The following DNAH12 variants were observed in gnomAD, a reference collection of about 807,000 sequenced individuals.
The protein encoded by DNAH12 is axonemal beta dynein heavy chain 12.
In DNAH12, 285 loss-of-function variants were observed where a neutral mutation model predicts 371.5. The ratio of observed to expected loss-of-function variants is 0.77; its 90% CI spans 0.70 to 0.85. DNAH12 has a LOEUF of 0.85. Among genes scored for constraint, DNAH12 ranks in the 40% least tolerant of loss-of-function variants. The pLI is 0.00. For synonymous variants in DNAH12, 1,200 were observed against 1,213.0 expected (o/e 0.99, Z 0.22); for missense variants, 3,611 against 3,689.4 (o/e 0.98, Z 0.55).
At chr3:57,383,381 G>T (rs1477524912) in intron 49 of DNAH12, among the ~76,000 whole-genome samples, 10 of 152,042 alleles carry the variant, frequency 6.6e-5, no homozygotes, top group African/African-American at 2.4e-4. Context: ...ACCTAAATTG[G>T]TGAGAGTTTG....
rs1024826374 is a variant in DNAH12 at position 57,390,805 on chromosome 3, A to G, written c.7305+1067T>C. The stretch of plus-strand genomic sequence containing the variant: ...CCTGTCTCTTGTTTTGCCCTACTCC[A>G]ATTCACCTACCACACAGCTTCCAAC... On this transcript the variant is annotated intron_variant, in intron 45 of 73. Transcript: ENST00000495027. 9.2e-5 allele frequency among the ~76,000 whole-genome samples: 14 copies of G among 152,080 alleles called. No individual in the cohort carries two copies. In the East Asian group the frequency reaches 2.5e-3, roughly 28 times the overall value.
At chr3:57,364,606 A>G (rs2063006611) in intron 57 of DNAH12, among the ~76,000 whole-genome samples, 1 of 152,150 alleles carries the variant, frequency 6.6e-6, no homozygotes, top group East Asian at 1.9e-4. Flanking sequence ...CAACAAAAAC[A>G]CAAATTGAAA....
chr3:57,444,896 G>T, intron 28 of DNAH12, 80 bp from the exon 29 acceptor site: 1 of 1,373,236 alleles, frequency 7.3e-7, no homozygotes, highest in Non-Finnish European at 9.6e-7. Flanking sequence ...CCCAGCCCCG[G>T]CCTGCCCCAC....
At chr3:57,295,365 G>A (rs2061211227) in intron 73 of DNAH12, among the ~76,000 whole-genome samples, 160 bp downstream of exon 73, 1 of 152,140 alleles carries the variant, frequency 6.6e-6, no homozygotes, top group Admixed American at 6.5e-5. Flanking sequence ...TACACACAAA[G>A]AGATAATAAT....
upstream of DNAH12, chr3:57,548,844 A>C (rs2069597680): frequency 6.6e-6 from 1 of 152,256 alleles, no homozygotes; most frequent in Non-Finnish European, 1.5e-5. Context: ...AGCAGTGCTC[A>C]TTTCGGCAGC....
intron 39 of DNAH12, among the ~76,000 whole-genome samples, chr3:57,410,791 G>C (rs751275653): frequency 1.3e-5 from 2 of 150,690 alleles, no homozygotes; most frequent in Non-Finnish European, 2.9e-5. Context: ...ACTCCAGCCT[G>C]AGTGACAGAG....
intron 32 of DNAH12, among the ~76,000 whole-genome samples, chr3:57,432,541 T>C (rs960766271): frequency 6.6e-6 from 1 of 152,100 alleles, no homozygotes; most frequent in Non-Finnish European, 1.5e-5. Context: ...AGTCATTTCA[T>C]GTAAGTATGG....
chr3:57,418,524 AGT>A (rs1235920829), intron 37 of DNAH12, among the ~76,000 whole-genome samples: 4 of 149,736 alleles, frequency 2.7e-5, no homozygotes, highest in African/African-American at 9.9e-5. Flanking sequence ...TGGGTGACAG[AGT>A]GAGACCCTGT....
chr3:57,437,815 T>C (rs2065176040), intron 29 of DNAH12, among the ~76,000 whole-genome samples: 1 of 152,140 alleles, frequency 6.6e-6, no homozygotes, highest in South Asian at 2.1e-4. Flanking sequence ...AATGCTTAGA[T>C]CCCAAAATCC....
intron 50 of DNAH12, among the ~76,000 whole-genome samples, chr3:57,381,201 GTTC>G (rs1402495543): frequency 6.6e-6 from 1 of 151,268 alleles, no homozygotes; most frequent in Non-Finnish European, 1.5e-5. Flanking sequence ...CCAGCTGAAA[GTTC>G]TTTTTTTCTA....
intron 25 of DNAH12, among the ~76,000 whole-genome samples, chr3:57,447,431 ACTT>A (rs1394206786): frequency 6.6e-6 from 1 of 152,178 alleles, no homozygotes; most frequent in African/African-American, 2.4e-5. Context: ...TTCAAATTTA[ACTT>A]CTTTTAGAAA....
intron 69 of DNAH12, among the ~76,000 whole-genome samples, chr3:57,303,317 C>T (rs1375017925): frequency 2.4e-5 from 3 of 127,420 alleles, no homozygotes; most frequent in Non-Finnish European, 3.1e-5. Flanking sequence ...CCAGCCTGGG[C>T]GACAGAGCAA....
At chr3:57,336,035 G>T (rs2062214430) in intron 60 of DNAH12, among the ~76,000 whole-genome samples, 1 of 152,132 alleles carries the variant, frequency 6.6e-6, no homozygotes, top group Non-Finnish European at 1.5e-5. Context: ...GCCTGGAAGT[G>T]CAGTGGCACA....
At chr3:57,463,632 T>G (rs957645697) in intron 17 of DNAH12, among the ~76,000 whole-genome samples, 1 of 152,182 alleles carries the variant, frequency 6.6e-6, no homozygotes, top group Non-Finnish European at 1.5e-5. Context: ...GTTTTAACCT[T>G]CCATTGGTTA....
chr3:57,544,847 A>G (rs1034882681), upstream of DNAH12, among the ~76,000 whole-genome samples: 2 of 152,200 alleles, frequency 1.3e-5, no homozygotes, highest in African/African-American at 4.8e-5. Context: ...GAAGCTGCAC[A>G]ATGCATACTA....
intron 15 of DNAH12, among the ~76,000 whole-genome samples, chr3:57,471,035 C>T (rs115287412): frequency 0.024 from 3,650 of 152,152 alleles, 66 homozygotes; most frequent in Non-Finnish European, 0.034. Flanking sequence ...ATTAACTTCA[C>T]AACATAACTA....
chr3:57,332,899 G>C (rs1328985933), intron 62 of DNAH12, among the ~76,000 whole-genome samples: 1 of 152,134 alleles, frequency 6.6e-6, no homozygotes, highest in Non-Finnish European at 1.5e-5. Flanking sequence ...TGGCACTTTG[G>C]TAGAGCTAAA....
chr3:57,432,850 A>T, intron 32 of DNAH12, among the ~76,000 whole-genome samples: 1 of 152,076 alleles, frequency 6.6e-6, no homozygotes, highest in East Asian at 1.9e-4. Context: ...ATACAAACAC[A>T]TTTTAAAAAT....
At position 57,351,810 on chromosome 3, in the gene DNAH12, T is replaced by G. The variant is rs575075599; in HGVS notation, c.9674+275A>C. On this transcript the variant is annotated intron_variant, in intron 60 of 73. Transcript: ENST00000495027. ...AGGAGTACAAGTGCTTCAAGGATGGTGGGGAAATGTTCTATTTCGTCACCA... is the reference window on the plus strand; with the variant it reads ...AGGAGTACAAGTGCTTCAAGGATGGGGGGGAAATGTTCTATTTCGTCACCA... Among the ~76,000 whole-genome samples the G allele has an allele frequency of 9.2e-5, 14 of 152,218 alleles. No individual in the cohort carries two copies. The East Asian group carries it at 2.3e-3, about 25-fold the overall frequency.
Sources: gnomAD v4.1 joint callset for allele counts (sites outside exome capture counted in the v4.1 genomes callset) on GRCh38, gnomAD v4.1.1 for gene constraint, MANE v1.5 for transcripts, NCBI Gene and HGNC (gene_info 2026-07-23, HGNC 2026-07-21) for gene names.